The following ANKS3 variants were observed in gnomAD, a reference collection of about 807,000 sequenced individuals.
The protein encoded by ANKS3 is ankyrin repeat and SAM domain-containing protein 3.
ANKS3 carries 62 observed loss-of-function variants against 80.7 expected under a neutral mutation model. The observed-to-expected ratio is 0.77, with a 90% CI of 0.63 to 0.95. ANKS3 has a LOEUF of 0.95. Among genes scored for constraint, ANKS3 ranks in the 40% least tolerant of loss-of-function variants. ANKS3 has a pLI of 0.00. For synonymous variants in ANKS3, 489 were observed against 355.3 expected (o/e 1.38, Z -4.23); for missense variants, 1,150 against 883.6 (o/e 1.30, Z -3.82).
chr16:4,710,180 GA>G (rs1193330501), intron 7 of ANKS3, among the ~76,000 whole-genome samples: 1 of 152,166 alleles, frequency 6.6e-6, no homozygotes, highest in Non-Finnish European at 1.5e-5. Context: ...ACAGATCGAA[GA>G]AAGAAGTTCT....
In ANKS3 at chr16:4,699,087, G is replaced by T; in HGVS notation, c.1374C>A (p.Thr458=). 1 of 1,614,132 alleles carries T rather than the reference G, an allele frequency of 6.2e-7. No homozygotes were observed. The highest frequency in any genetic ancestry group is 1.1e-5 in the South Asian group (1 of 91,086). Residue 458 remains threonine (T), a synonymous_variant, in exon 12 of 18, where the codon ACC becomes ACA. Transcript: ENST00000304283. ...TTTCCTTCAGGTCGCTCTCAGTGAG[G>T]GTCAGAAAGATGCGGAGGTCCACGT... The part of the protein sequence containing the change: ...EQDVDLRIFL[T]LTESDLKEIG...
Position 4,697,982 on chromosome 16 carries a change from G to T in ANKS3, c.1805C>A (p.Pro602Gln), listed in dbSNP as rs371895652. The T allele has an allele frequency of 6.3e-6, 10 of 1,591,102 alleles. No homozygotes were observed. Among genetic ancestry groups the T allele is most frequent in the African/African-American group, 1.3e-5 (1 of 74,526 alleles). ...GAATLGLAVP[P>Q]ADSKGWQASL... ...AGTCAGGCCACTGCTCTTACCAGCT[G>T]GGGGGACGGCTAGGCCCAGAGTGGC... The change falls in exon 15 of 18, where the codon CCA becomes CAA. Residue 602 changes from proline to glutamine, a missense_variant. By Grantham distance (76) the Pro-to-Gln change is moderately conservative. Transcript: ENST00000304283.
Position 4,726,682 on chromosome 16 carries a change from G to C in ANKS3, c.468C>G (p.Asp156Glu). The change falls in exon 5 of 18, where the codon GAC (aspartate) becomes GAG (glutamate). Residue 156 changes from aspartate (D) to glutamate (E), a missense_variant. Coordinates refer to ENST00000304283, the MANE Select transcript of ANKS3 (RefSeq NM_133450.4). ...ACCTCACGTTGGCATTGGCTCCACT[G>C]TCCAAGAGGAACCTGACCATGTGCT... The part of the protein sequence containing the change: ...GHQHMVRFLL[D>E]SGANANVREP... The C allele has an allele frequency of 6.2e-7, 1 of 1,614,172 alleles. No individual in the cohort carries two copies. Among genetic ancestry groups the C allele is most frequent in the Non-Finnish European group, 8.5e-7 (1 of 1,180,010 alleles).
intron 11 of ANKS3, 31 bp downstream of exon 11, chr16:4,700,939 G>A (rs747705530): frequency 2.5e-6 from 4 of 1,613,352 alleles, no homozygotes; most frequent in South Asian, 1.1e-5. Flanking sequence ...CCGTCTCTGA[G>A]TGTAACCTCC....
Position 4,701,079 on chromosome 16 carries a change from T to G in ANKS3, c.1175A>C (p.Lys392Thr). 6.2e-7 allele frequency: 1 copy of G among 1,614,088 alleles called. No individual in the cohort carries two copies. The highest frequency in any genetic ancestry group is 8.5e-7 in the Non-Finnish European group (1 of 1,180,030). Reference protein sequence around the residue: ...SARKQAKSYMKTKNPDSQWPP... With the variant: ...SARKQAKSYMTTKNPDSQWPP... ...CCACTGGCTGTCAGGATTCTTGGTC[T>G]TCATGTAACTTTTAGCTTGTTTGCG... Residue 392 changes from lysine (K) to threonine (T), a missense_variant, in exon 11 of 18, where the codon AAG (lysine) becomes ACG (threonine). Coordinates refer to ENST00000304283, the MANE Select transcript of ANKS3 (RefSeq NM_133450.4).
At chr16:4,712,268 G>A (rs2080533831) in intron 7 of ANKS3, among the ~76,000 whole-genome samples, 1 of 152,030 alleles carries the variant, frequency 6.6e-6, no homozygotes, top group East Asian at 1.9e-4. Context: ...CTACTCGGGA[G>A]GCTGAGGCAG....
intron 8 of ANKS3, 152 bp downstream of exon 8, chr16:4,704,943 T>TCACCCTGAGC: frequency 1.0e-6 from 1 of 993,146 alleles, no homozygotes; most frequent in Non-Finnish European, 1.5e-6. Context: ...CAATCCTGAG[T>TCACCCTGAGC]CTCCCTGAGC....
intron 14 of ANKS3, 61 bp from the exon 15 acceptor site, chr16:4,698,123 C>T (rs1297287491): frequency 3.3e-6 from 5 of 1,513,380 alleles, no homozygotes; most frequent in African/African-American, 1.4e-5. Context: ...AGAGCCCCCA[C>T]CTCAGACCTT....
intron 7 of ANKS3, 128 bp from the exon 8 acceptor site, chr16:4,705,381 G>A: frequency 8.6e-7 from 1 of 1,166,622 alleles, no homozygotes; most frequent in East Asian, 2.6e-5. Context: ...ATCTGCCAGG[G>A]CATCACTTCT....
chr16:4,706,509 T>C (rs2080205648), intron 7 of ANKS3, among the ~76,000 whole-genome samples: 1 of 152,220 alleles, frequency 6.6e-6, no homozygotes, highest in Non-Finnish European at 1.5e-5. Flanking sequence ...AGTGCTGGCA[T>C]CACAGGAGTG....
chr16:4,712,593 T>C (rs1036882483), intron 7 of ANKS3, among the ~76,000 whole-genome samples: 3 of 152,132 alleles, frequency 2.0e-5, no homozygotes, highest in East Asian at 3.8e-4. Context: ...TCTCCAAAGA[T>C]ATGGGAACAC....
rs770681926 is a variant in ANKS3, at chr16:4,714,063, A to G, written c.697T>C (p.Tyr233His). The change falls in exon 7 of 18, where the codon TAT becomes CAT. Residue 233 changes from tyrosine to histidine, a missense_variant. By Grantham distance (83) the Tyr-to-His change is moderately conservative. Coordinates refer to ENST00000304283, the MANE Select transcript of ANKS3 (RefSeq NM_133450.4). Reference sequence around the variant, plus strand: ...CAGGTGTGGGTACCTGGGCTCCGATAGAGGCTCTTGGGCAGAGAGGGCGAG... The same window carrying G: ...CAGGTGTGGGTACCTGGGCTCCGATGGAGGCTCTTGGGCAGAGAGGGCGAG... ...TYSPSLPKSL[Y>H]RSPEKYEDLS... is the part of the protein sequence containing the mutation. The G allele has an allele frequency of 6.2e-7, 1 of 1,614,132 alleles. No individual in the cohort carries two copies. Among genetic ancestry groups the G allele is most frequent in the Non-Finnish European group, 8.5e-7 (1 of 1,180,006 alleles).
chr16:4,698,606 G>A lies in ANKS3; in HGVS notation c.1552-7C>T. 1.9e-6 allele frequency: 3 copies of A among 1,548,622 alleles called. No individual in the cohort carries two copies. The highest frequency in any genetic ancestry group is 1.2e-5 in the South Asian group (1 of 83,686). The stretch of plus-strand genomic sequence containing the variant: ...CCTCTACCTCCTCGCAGCGCTGCAG[G>A]GGGGTGGGGGGCGCGGGGAGGCTGG... On this transcript the variant is annotated splice_polypyrimidine_tract_variant and splice_region_variant and intron_variant, in intron 13 of 17. Coordinates refer to ENST00000304283, the MANE Select transcript of ANKS3 (RefSeq NM_133450.4).
rs574289143 is a variant in ANKS3 at position 4,697,246 on chromosome 16, C to G, written c.1894+87G>C. On this transcript the variant is annotated intron_variant, in intron 16 of 17. Coordinates refer to ENST00000304283, the MANE Select transcript of ANKS3 (RefSeq NM_133450.4). Reference sequence around the variant, plus strand: ...CGAGGTCAGCCTTGGGGTAGAGAGACACAAACCCGCTTTCCCTGGAAAGGG... The same window carrying G: ...CGAGGTCAGCCTTGGGGTAGAGAGAGACAAACCCGCTTTCCCTGGAAAGGG... The G allele has an allele frequency of 2.6e-5, 40 of 1,544,216 alleles. No individual in the cohort carries two copies. The African/African-American group carries it at 3.0e-4, about 12-fold the overall frequency.
chr16:4,717,802 C>CT (rs770117557), intron 6 of ANKS3, among the ~76,000 whole-genome samples: 3,493 of 146,588 alleles, frequency 0.024, 61 homozygotes, highest in Non-Finnish European at 0.037. Context: ...CCACAACTGG[C>CT]TTTTTTTTTT....
At chr16:4,718,759 G>A (rs2080938088) in intron 6 of ANKS3, among the ~76,000 whole-genome samples, 2 of 152,216 alleles carry the variant, frequency 1.3e-5, no homozygotes, top group Admixed American at 6.5e-5. Flanking sequence ...ATCCCCCAAA[G>A]CAGTCACTAA....
chr16:4,702,374 C>T (rs2079964043), intron 8 of ANKS3, 132 bp from the exon 9 acceptor site: 1 of 968,160 alleles, frequency 1.0e-6, no homozygotes, highest in Non-Finnish European at 1.4e-6. Flanking sequence ...CCTGGCATGG[C>T]TCTATCTGTG....
chr16:4,728,911 A>G lies in ANKS3; in HGVS notation c.170+1069T>C, dbSNP rs114270131. ...TGCACCAGCACTCCATGGGCTGGGT[A>G]TGTCTAAGTGAGGGCCACAACTTGG... On this transcript the variant is annotated intron_variant, in intron 3 of 17. Coordinates refer to ENST00000304283, the MANE Select transcript of ANKS3 (RefSeq NM_133450.4). 1.1e-3 allele frequency among the ~76,000 whole-genome samples: 173 copies of G among 152,286 alleles called. 1 individual carries two copies. The highest frequency in any genetic ancestry group is 3.9e-3 in the African/African-American group (160 of 41,554).
At chr16:4,732,238 C>A (rs1210266793) in intron 1 of ANKS3, among the ~76,000 whole-genome samples, 1 of 152,126 alleles carries the variant, frequency 6.6e-6, no homozygotes, top group African/African-American at 2.4e-5. Flanking sequence ...GTGAGAATCC[C>A]ACCCTAACAG....
Sources: gnomAD v4.1 joint callset for allele counts (sites outside exome capture counted in the v4.1 genomes callset) on GRCh38, gnomAD v4.1.1 for gene constraint, MANE v1.5 for transcripts, NCBI Gene and HGNC (gene_info 2026-07-23, HGNC 2026-07-21) for gene names.